The following JPH2 variants were observed in gnomAD, a reference collection of about 807,000 sequenced individuals.
JPH2 encodes junctophilin-2.
Under a neutral mutation model 55.9 loss-of-function variants are expected in JPH2, and 38 were observed. The ratio of observed to expected loss-of-function variants is 0.68; its 90% confidence interval spans 0.52 to 0.89. The LOEUF is 0.89. Ranked by LOEUF, JPH2 falls within the 40% of genes least tolerant of loss-of-function variation. The probability of loss-of-function intolerance (pLI) is 0.00; values close to 1 mark genes in which losing one functional copy is unlikely to be tolerated. For synonymous variants in JPH2, 480 were observed against 472.4 expected (o/e 1.02, Z -0.21); for missense variants, 964 against 1,037.6 (o/e 0.93, Z 0.97).
Position 44,186,340 on chromosome 20 carries a change from G to A in JPH2, c.366C>T (p.Thr122=). The change falls in exon 1 of 6, where the codon ACC becomes ACT. Residue 122 remains threonine (T), a synonymous_variant. Transcript: ENST00000372980. The part of the protein sequence containing the change: ...NGLQDGYGTE[T]YADGGTYQGQ... ...AGCTGGCCTCACCTCCATCAGCATA[G>A]GTCTCGGTGCCATAGCCGTCTTGCA... 6.2e-7 allele frequency: 1 copy of A among 1,611,564 alleles called. No individual in the cohort carries two copies. The highest frequency in any genetic ancestry group is 2.2e-5 in the East Asian group (1 of 44,836).
chr20:44,148,764 T>C (rs2072509894), intron 2 of JPH2, among the ~76,000 whole-genome samples: 1 of 151,948 alleles, frequency 6.6e-6, no homozygotes, highest in Non-Finnish European at 1.5e-5. Flanking sequence ...CTTCCTCCAA[T>C]TAAAAAAATC....
intron 2 of JPH2, among the ~76,000 whole-genome samples, chr20:44,157,091 A>T (rs1772653682): frequency 6.6e-6 from 1 of 152,186 alleles, no homozygotes. Flanking sequence ...TTGTACGATG[A>T]CAATGACTAG....
intron 1 of JPH2, among the ~76,000 whole-genome samples, chr20:44,171,296 C>T (rs972269874): frequency 1.3e-5 from 2 of 152,186 alleles, no homozygotes; most frequent in East Asian, 3.8e-4. Context: ...GCTGGTATAG[C>T]CCTTCAGCGT....
At chr20:44,134,836 AATAT>A (rs199980913) in intron 2 of JPH2, among the ~76,000 whole-genome samples, 1 of 115,408 alleles carries the variant, frequency 8.7e-6, no homozygotes, top group Admixed American at 1.2e-4. Flanking sequence ...AATATACATA[AATAT>A]ATGTTTATTA....
At chr20:44,153,666 G>A (rs2072546394) in intron 2 of JPH2, among the ~76,000 whole-genome samples, 1 of 152,204 alleles carries the variant, frequency 6.6e-6, no homozygotes, top group South Asian at 2.1e-4. Flanking sequence ...CTGCCACGGG[G>A]GCACAACAGC....
Position 44,186,869 on chromosome 20 carries a change from G to A in JPH2, c.-164C>T, listed in dbSNP as rs1031543977. 2.8e-6 allele frequency: 2 copies of A among 706,470 alleles called. No homozygotes were observed. The highest frequency in any genetic ancestry group is 2.3e-6 in the Non-Finnish European group (1 of 429,104). The allele number at this position is 706,470 out of a possible 1,614,324, so 43.8% of individuals were successfully genotyped here. A position where few individuals can be genotyped will look rare whatever the true frequency, so the allele number is the denominator to read the frequency against. On this transcript the variant is annotated 5_prime_UTR_variant, in exon 1 of 6. Transcript: ENST00000372980. ...TGCCAGCAGAGGCTGAAAGAGCCCC[G>A]GCGCCAAGTCAGCACCGGGTCGGCT...
intron 2 of JPH2, among the ~76,000 whole-genome samples, chr20:44,143,396 A>C (rs2072472317): frequency 6.6e-6 from 1 of 152,166 alleles, no homozygotes; most frequent in South Asian, 2.1e-4. Context: ...GTCCCACGCA[A>C]GCACAGCTGT....
intron 2 of JPH2, among the ~76,000 whole-genome samples, chr20:44,145,434 C>T (rs926615441): frequency 3.3e-5 from 5 of 152,124 alleles, no homozygotes; most frequent in East Asian, 1.9e-4. Context: ...GTGAAACCCC[C>T]GTCTCTACGA....
Position 44,112,991 on chromosome 20 carries a change from C to T in JPH2, c.*527G>A, listed in dbSNP as rs1288451597. On this transcript the variant is annotated 3_prime_UTR_variant, in exon 6 of 6. Coordinates refer to ENST00000372980, the MANE Select transcript of JPH2 (RefSeq NM_020433.5). ...CAAGGGAGGGAGTGCAGGGTGCAGA[C>T]TGCACAAGGACAGGTCTCTGTGCTG... 3.3e-5 allele frequency: 5 copies of T among 152,424 alleles called. No individual in the cohort carries two copies. The highest frequency in any genetic ancestry group is 5.9e-5 in the Non-Finnish European group (4 of 68,212). The allele number at this position is 152,424 out of a possible 1,614,324, so 9.4% of individuals were successfully genotyped here. A position where few individuals can be genotyped will look rare whatever the true frequency, so the allele number is the denominator to read the frequency against.
At chr20:44,138,688 T>C (rs6103644) in intron 2 of JPH2, among the ~76,000 whole-genome samples, 63,574 of 152,036 alleles carry the variant, frequency 0.42, 13,376 homozygotes, top group East Asian at 0.46. Context: ...CTGGCCAAGA[T>C]TTTAATAAGC....
chr20:44,143,560 C>G lies in JPH2; in HGVS notation c.1169+16058G>C, dbSNP rs117565427. On this transcript the variant is annotated intron_variant, in intron 2 of 5. Coordinates refer to ENST00000372980, the MANE Select transcript of JPH2 (RefSeq NM_020433.5). ...TGAGGTCTGAGCTGGATCCAGTCCC[C>G]GTGGTCTGCAGTGATGCCTCAATAA... 9.8e-5 allele frequency among the ~76,000 whole-genome samples: 15 copies of G among 152,292 alleles called. No individual in the cohort carries two copies. The East Asian group carries it at 2.9e-3, about 29-fold the overall frequency.
At chr20:44,177,949 T>C (rs2072748568) in intron 1 of JPH2, 1 of 1,303,534 alleles carries the variant, frequency 7.7e-7, no homozygotes, top group African/African-American at 1.5e-5. Flanking sequence ...TCGACCATAT[T>C]CTGAGGGCGA....
chr20:44,165,597 G>A (rs967350435), intron 1 of JPH2, among the ~76,000 whole-genome samples: 11 of 152,090 alleles, frequency 7.2e-5, no homozygotes, highest in African/African-American at 2.4e-4. Context: ...AAGAAAAGCT[G>A]AAGTCCTTAG....
rs897551078 is a variant in JPH2, at chr20:44,112,632, T to G, written c.*886A>C. 2 of 152,160 alleles carry G rather than the reference T, an allele frequency of 1.3e-5. No individual in the cohort carries two copies. Among genetic ancestry groups the G allele is most frequent in the Non-Finnish European group, 2.9e-5 (2 of 68,100 alleles). 9.4% of individuals were successfully genotyped at this position (152,160 alleles called of 1,614,324 possible). A position where few individuals can be genotyped will look rare whatever the true frequency, so the allele number is the denominator to read the frequency against. The stretch of plus-strand genomic sequence containing the variant: ...CCTGATGGGGGAGGAGACAAGCCAT[T>G]TCACAGGGCATCACAGGAGATTTCT... On this transcript the variant is annotated 3_prime_UTR_variant, in exon 6 of 6. Coordinates refer to ENST00000372980, the MANE Select transcript of JPH2 (RefSeq NM_020433.5).
In JPH2 at chr20:44,125,665, T is replaced by G. The variant is rs546769733; in HGVS notation, c.1170-7042A>C. On this transcript the variant is annotated intron_variant, in intron 2 of 5. Coordinates refer to ENST00000372980, the MANE Select transcript of JPH2 (RefSeq NM_020433.5). ...ATCAGGCAACATTTCTGGAAGTCCA[T>G]GGATGAGCAGGGGCTCAGAGCAAAG... Among the ~76,000 whole-genome samples, 21 of 152,260 alleles carry G rather than the reference T, an allele frequency of 1.4e-4. No homozygotes were observed. In the South Asian group the frequency reaches 4.4e-3, roughly 32 times the overall value.
chr20:44,130,988 A>G (rs1206840560), intron 2 of JPH2, among the ~76,000 whole-genome samples: 1 of 152,192 alleles, frequency 6.6e-6, no homozygotes, highest in Non-Finnish European at 1.5e-5. Flanking sequence ...TTTCACCTAG[A>G]CAAGTCAATT....
rs1456214625 is a variant in JPH2, at chr20:44,134,604, AT to A, written c.1170-15982del. 4.7e-4 allele frequency among the ~76,000 whole-genome samples: 11 copies of A among 23,260 alleles called. 1 individual carries two copies. The highest frequency in any genetic ancestry group is 2.3e-3 in the African/African-American group (11 of 4,722). 15.3% of individuals were successfully genotyped at this position (23,260 alleles called of 152,430 possible). On this transcript the variant is annotated intron_variant, in intron 2 of 5. Coordinates refer to ENST00000372980, the MANE Select transcript of JPH2 (RefSeq NM_020433.5). Reference sequence around the variant, plus strand: ...TATAAATATATATAAATATATATTTATTATAAATATAATAAATATATATTTA... The same window carrying A: ...TATAAATATATATAAATATATATTTATATAAATATAATAAATATATATTTA...
At chr20:44,147,395 A>G (rs2072500617) in intron 2 of JPH2, among the ~76,000 whole-genome samples, 4 of 152,248 alleles carry the variant, frequency 2.6e-5, no homozygotes, top group African/African-American at 9.6e-5. Context: ...GTACCTCCAC[A>G]CTACGGACTA....
At chr20:44,125,130 A>AG (rs1194741842) in intron 2 of JPH2, among the ~76,000 whole-genome samples, 3 of 151,802 alleles carry the variant, frequency 2.0e-5, no homozygotes, top group African/African-American at 7.2e-5. Context: ...AAAAAAAAAA[A>AG]AGTAACATTT....
Sources: gnomAD v4.1 joint callset for allele counts (sites outside exome capture counted in the v4.1 genomes callset) on GRCh38, gnomAD v4.1.1 for gene constraint, MANE v1.5 for transcripts, NCBI Gene and HGNC (gene_info 2026-07-23, HGNC 2026-07-21) for gene names.